The following FRAS1 variants were observed in gnomAD, a reference collection of about 807,000 sequenced individuals.
FRAS1 encodes the protein extracellular matrix organizing protein FRAS1.
FRAS1 carries 290 observed loss-of-function variants against 435.2 expected under a neutral mutation model. The ratio of observed to expected loss-of-function variants is 0.67; its 90% confidence interval spans 0.61 to 0.73. FRAS1 has a LOEUF of 0.73. FRAS1 is among the 30% of genes least tolerant of loss of function. The pLI is 0.00. For missense variants in FRAS1, 4,860 were observed against 5,001.5 expected, an observed-to-expected ratio of 0.97 and a Z score of 0.85; for synonymous variants, 1,800 against 1,851.0, an observed-to-expected ratio of 0.97 and a Z score of 0.71.
intron 19 of FRAS1, 66 bp downstream of exon 19, chr4:78,333,478 C>T: frequency 6.7e-7 from 1 of 1,488,884 alleles, no homozygotes; most frequent in Non-Finnish European, 9.1e-7. Context: ...CATAGCCAGA[C>T]ACTGTAATTA....
intron 2 of FRAS1, among the ~76,000 whole-genome samples, chr4:78,082,776 T>G (rs1342579137): frequency 8.8e-6 from 1 of 113,536 alleles, no homozygotes; most frequent in African/African-American, 2.8e-5. Context: ...TTAAAAATTA[T>G]TTTTAATGAT....
chr4:78,397,292 G>T (rs1732709976), intron 29 of FRAS1, among the ~76,000 whole-genome samples: 1 of 152,208 alleles, frequency 6.6e-6, no homozygotes, highest in Non-Finnish European at 1.5e-5. Flanking sequence ...CCCTTCAGGG[G>T]CAGTCTTATG....
intron 33 of FRAS1, among the ~76,000 whole-genome samples, chr4:78,420,017 C>G (rs1733709112): frequency 6.6e-6 from 1 of 150,482 alleles, no homozygotes; most frequent in South Asian, 2.1e-4. Context: ...TTGAGGATTA[C>G]AATTGAACAT....
rs889161896 is a variant in FRAS1 at position 78,452,329 on chromosome 4, C to T, written c.6738C>T (p.Gly2246=). The change falls in exon 47 of 74, where the codon GGC becomes GGT. Residue 2246 remains glycine, a synonymous_variant. Coordinates refer to ENST00000512123, the MANE Select transcript of FRAS1 (RefSeq NM_025074.7). ...IYRITRQPQL[G]HLEHAASPGI... ...GAATCACCAGACAGCCCCAGCTGGG[C>T]CACTTGGAACATGCAGCATCACCAG... The T allele has an allele frequency of 1.2e-6, 2 of 1,606,940 alleles. No homozygotes were observed. The highest frequency in any genetic ancestry group is 1.7e-5 in the Admixed American group (1 of 58,064).
intron 18 of FRAS1, among the ~76,000 whole-genome samples, chr4:78,330,465 C>A (rs1269359016): frequency 6.6e-6 from 1 of 152,222 alleles, no homozygotes; most frequent in Non-Finnish European, 1.5e-5. Flanking sequence ...TAAACTCTGA[C>A]CACTGGTGAG....
In FRAS1 at chr4:78,424,329, C is replaced by T; in HGVS notation, c.4679-59C>T. 7 of 884,728 alleles carry T rather than the reference C, an allele frequency of 7.9e-6. No homozygotes were observed. The South Asian group carries it at 1.2e-4, about 15-fold the overall frequency. The allele number at this position is 884,728 out of a possible 1,614,324, so 54.8% of individuals were successfully genotyped here. A position where few individuals can be genotyped will look rare whatever the true frequency, so the allele number is the denominator to read the frequency against. On this transcript the variant is annotated intron_variant, in intron 34 of 73. Coordinates refer to ENST00000512123, the MANE Select transcript of FRAS1 (RefSeq NM_025074.7). Reference sequence around the variant, plus strand: ...CCTCTGCCCTTTGTTTTGTACCTTTCCTATCTCTCTCTGATCCCAAAGTGT... The same window carrying T: ...CCTCTGCCCTTTGTTTTGTACCTTTTCTATCTCTCTCTGATCCCAAAGTGT...
At chr4:78,140,942 G>A (rs1401669402) in intron 2 of FRAS1, among the ~76,000 whole-genome samples, 2 of 152,120 alleles carry the variant, frequency 1.3e-5, no homozygotes, top group Non-Finnish European at 2.9e-5. Context: ...TTTTAGAAGA[G>A]TCACAAGTCA....
At chr4:78,144,682 C>T (rs1176797523) in intron 2 of FRAS1, among the ~76,000 whole-genome samples, 1 of 152,054 alleles carries the variant, frequency 6.6e-6, no homozygotes, top group Admixed American at 6.6e-5. Context: ...TCTTTCTTTG[C>T]TTATAGATTC....
At chr4:78,436,655 A>G (rs976018991) in intron 38 of FRAS1, among the ~76,000 whole-genome samples, 1 of 152,206 alleles carries the variant, frequency 6.6e-6, no homozygotes. Context: ...GACGTCCAAC[A>G]GTATAGATGG....
intron 2 of FRAS1, among the ~76,000 whole-genome samples, chr4:78,114,693 TG>T (rs1743016941): frequency 1.3e-5 from 2 of 152,278 alleles, no homozygotes; most frequent in South Asian, 4.1e-4. Context: ...CCTAAGACTT[TG>T]CTGAAGTTGC....
At position 78,446,708 on chromosome 4, in the gene FRAS1, T is replaced by C. The variant is rs1256808619; in HGVS notation, c.5857-19T>C. On this transcript the variant is annotated intron_variant, in intron 42 of 73. Transcript: ENST00000512123. ...TCTTAAATATCTGTGTGAGATCTAA[T>C]AGTTTATGCTTTAATCAGAGGAAGA... The C allele has an allele frequency of 1.2e-6, 2 of 1,606,950 alleles. No homozygotes were observed. Among genetic ancestry groups the C allele is most frequent in the African/African-American group, 1.3e-5 (1 of 74,644 alleles).
chr4:78,511,235 A>T (rs1721025016), intron 63 of FRAS1, 39 bp from the exon 64 acceptor site: 1 of 1,468,752 alleles, frequency 6.8e-7, no homozygotes, highest in Non-Finnish European at 9.3e-7. Context: ...CTGTTTAAGT[A>T]GGGTACTCAC....
intron 53 of FRAS1, among the ~76,000 whole-genome samples, 192 bp from the exon 54 acceptor site, chr4:78,475,246 G>A (rs752113026): frequency 3.9e-5 from 6 of 152,206 alleles, no homozygotes; most frequent in African/African-American, 7.2e-5. Flanking sequence ...CAGCTTCCCT[G>A]TTTGTTTCGT....
At chr4:78,228,090 A>C (rs1724349503) in intron 2 of FRAS1, among the ~76,000 whole-genome samples, 1 of 152,322 alleles carries the variant, frequency 6.6e-6, no homozygotes, top group South Asian at 2.1e-4. Flanking sequence ...TAGTGGAGGA[A>C]GTTGACAAGA....
At chr4:78,327,370 G>A (rs1200102103) in intron 18 of FRAS1, among the ~76,000 whole-genome samples, 2 of 152,120 alleles carry the variant, frequency 1.3e-5, no homozygotes, top group Admixed American at 6.5e-5. Context: ...ATTTGTTTTT[G>A]ACATGAAAAG....
At chr4:78,191,050 G>A (rs1387644945) in intron 2 of FRAS1, among the ~76,000 whole-genome samples, 1 of 152,172 alleles carries the variant, frequency 6.6e-6, no homozygotes, top group African/African-American at 2.4e-5. Flanking sequence ...TGAGAGGGTG[G>A]CCATCTGCAA....
At chr4:78,223,653 A>G (rs1724146974) in intron 2 of FRAS1, among the ~76,000 whole-genome samples, 1 of 152,138 alleles carries the variant, frequency 6.6e-6, no homozygotes, top group Admixed American at 6.6e-5. Context: ...TGCACAGACA[A>G]TGGTAATCTT....
chr4:78,302,743 C>G (rs1368616012), intron 14 of FRAS1, among the ~76,000 whole-genome samples: 4 of 152,068 alleles, frequency 2.6e-5, no homozygotes, highest in East Asian at 3.9e-4. Flanking sequence ...GTTCATTGTA[C>G]ATTCTGGATA....
intron 2 of FRAS1, among the ~76,000 whole-genome samples, chr4:78,160,392 C>T (rs555996546): frequency 6.6e-6 from 1 of 152,168 alleles, no homozygotes; most frequent in Non-Finnish European, 1.5e-5. Context: ...AATATGCAGA[C>T]TTCATAGGAA....
Sources: allele counts gnomAD v4.1 joint callset (sites outside exome capture counted in the v4.1 genomes callset), GRCh38; gene constraint gnomAD v4.1.1; transcripts MANE v1.5; gene names NCBI Gene and HGNC (gene_info 2026-07-23, HGNC 2026-07-21).